Variants in GPHN observed in about 807,000 individuals in gnomAD.
The protein encoded by GPHN is gephyrin.
A neutral mutation model predicts 95.5 loss-of-function variants in GPHN; 17 were observed. The ratio of observed to expected loss-of-function variants is 0.18; its 90% confidence interval spans 0.12 to 0.27. GPHN has a LOEUF of 0.27. GPHN is among the 10% of genes least tolerant of loss of function. The pLI is 1.00. For missense variants in GPHN, 660 were observed against 978.1 expected, an observed-to-expected ratio of 0.67 and a Z score of 4.34; for synonymous variants, 320 against 322.5, an observed-to-expected ratio of 0.99 and a Z score of 0.08.
intron 1 of GPHN, among the ~76,000 whole-genome samples, chr14:66,511,862 G>A (rs2058052545): frequency 6.6e-6 from 1 of 151,912 alleles, no homozygotes; most frequent in South Asian, 2.1e-4. Context: ...TCAGGAAAAT[G>A]AGAACATATA....
chr14:67,362,540 A>G, the GPHN span, among the ~76,000 whole-genome samples: 1 of 152,188 alleles, frequency 6.6e-6, no homozygotes, highest in African/African-American at 2.4e-5. Flanking sequence ...ACTACAGTTC[A>G]AAGGATGTTA....
At chr14:67,306,661 C>T in the GPHN span, among the ~76,000 whole-genome samples, 80 of 152,300 alleles carry the variant, frequency 5.3e-4, no homozygotes, top group Admixed American at 2.0e-3. Flanking sequence ...AGCCACCATG[C>T]CCAGCCCCTT....
At chr14:66,808,653 C>T (rs1324574751) in intron 3 of GPHN, among the ~76,000 whole-genome samples, 3 of 152,052 alleles carry the variant, frequency 2.0e-5, no homozygotes, top group East Asian at 1.9e-4. Flanking sequence ...AAAAATTAGC[C>T]GTGCGTGGTG....
At chr14:67,190,440 C>T in the GPHN span, among the ~76,000 whole-genome samples, 1 of 152,022 alleles carries the variant, frequency 6.6e-6, no homozygotes, top group Admixed American at 6.6e-5. Flanking sequence ...CCAGGCTGGT[C>T]TCGAACTCCT....
chr14:66,762,417 A>C (rs1481436911), intron 2 of GPHN, among the ~76,000 whole-genome samples: 2 of 152,168 alleles, frequency 1.3e-5, no homozygotes, highest in Non-Finnish European at 2.9e-5. Flanking sequence ...AAAATGAGGA[A>C]TATATTATGG....
chr14:66,736,163 A>G (rs775170417), intron 2 of GPHN, among the ~76,000 whole-genome samples: 43 of 151,626 alleles, frequency 2.8e-4, no homozygotes, highest in Non-Finnish European at 5.6e-4. Context: ...TTTTTTTTTT[A>G]AATTCTTAGT....
At chr14:67,641,900 T>C in the GPHN span, among the ~76,000 whole-genome samples, 1 of 152,230 alleles carries the variant, frequency 6.6e-6, no homozygotes, top group Non-Finnish European at 1.5e-5. Flanking sequence ...TTTTTGATAT[T>C]TTATTTCTAC....
chr14:67,319,561 T>G, the GPHN span, among the ~76,000 whole-genome samples: 1 of 150,380 alleles, frequency 6.6e-6, no homozygotes, highest in Non-Finnish European at 1.5e-5. Context: ...AGAAGAATAG[T>G]CTGGGGCCAC....
At chr14:66,717,703 T>G (rs1246783769) in intron 2 of GPHN, among the ~76,000 whole-genome samples, 3 of 152,158 alleles carry the variant, frequency 2.0e-5, no homozygotes, top group Non-Finnish European at 4.4e-5. Context: ...GGGTTTCCCT[T>G]GATATAGTAC....
the GPHN span, among the ~76,000 whole-genome samples, chr14:67,375,232 C>CTGTGTGTGTG: frequency 1.1e-4 from 15 of 137,670 alleles, no homozygotes; most frequent in South Asian, 2.6e-4. Context: ...ATCCTCAGTT[C>CTGTGTGTGTG]TGTGTGTGTG....
At chr14:66,915,451 T>C (rs1255249717) in intron 5 of GPHN, among the ~76,000 whole-genome samples, 1 of 152,162 alleles carries the variant, frequency 6.6e-6, no homozygotes, top group South Asian at 2.1e-4. Flanking sequence ...TTGACAATTA[T>C]CTCTGAAAGA....
chr14:67,041,453 T>C (rs1229960229), intron 10 of GPHN, among the ~76,000 whole-genome samples: 1 of 150,480 alleles, frequency 6.6e-6, no homozygotes, highest in African/African-American at 2.4e-5. Context: ...CACTTAGGAG[T>C]GAGAACATGT....
chr14:66,508,945 C>G (rs1337605500), intron 1 of GPHN: 6 of 356,430 alleles, frequency 1.7e-5, no homozygotes, highest in South Asian at 4.9e-5. Flanking sequence ...TGAAGCATGC[C>G]GCTCTCGGCT....
the GPHN span, among the ~76,000 whole-genome samples, chr14:67,450,978 G>A: frequency 6.6e-6 from 1 of 152,222 alleles, no homozygotes; most frequent in African/African-American, 2.4e-5. Context: ...GGTCCCCCGT[G>A]CTGTGTGCAG....
chr14:67,147,972 G>A lies in GPHN; in HGVS notation c.1836+4523G>A, dbSNP rs1026669706. On this transcript the variant is annotated intron_variant, in intron 18 of 22. Transcript: ENST00000478722. ...TAGAGGCCCTCTAGGAAATTTTAAAGATGAGTTTTGGTAAGAAAAGCACAT... is the reference window on the plus strand; with the variant it reads ...TAGAGGCCCTCTAGGAAATTTTAAAAATGAGTTTTGGTAAGAAAAGCACAT... Among the ~76,000 whole-genome samples the A allele has an allele frequency of 3.7e-4, 56 of 152,076 alleles. 1 individual carries two copies. Among genetic ancestry groups the A allele is most frequent in the Non-Finnish European group, 6.9e-4 (47 of 68,014 alleles).
intron 3 of GPHN, among the ~76,000 whole-genome samples, chr14:66,794,853 A>AT (rs2060100362): frequency 6.6e-6 from 1 of 152,176 alleles, no homozygotes; most frequent in Non-Finnish European, 1.5e-5. Flanking sequence ...ATTTTTATTA[A>AT]TTTTATCAAT....
intron 18 of GPHN, among the ~76,000 whole-genome samples, chr14:67,146,738 AT>A (rs564494066): frequency 6.6e-6 from 1 of 152,350 alleles, no homozygotes; most frequent in South Asian, 2.1e-4. Flanking sequence ...GCCTTAGAAT[AT>A]TTAAAAGTAA....
Position 67,143,432 on chromosome 14 carries a change from G to A in GPHN, c.1819G>A (p.Val607Ile), listed in dbSNP as rs2080615843. ...RADVIITSGG[V>I]SMGEKDYLKQ... ...TGATGTCATCATCACATCAGGGGGT[G>A]TATCCATGGGGGAAAAGGTATGAAA... The change falls in exon 18 of 23, where the codon GTA becomes ATA. Residue 607 changes from valine to isoleucine, a missense_variant. Val to Ile is a conservative substitution (Grantham distance 29). Coordinates refer to ENST00000478722, the MANE Select transcript of GPHN (RefSeq NM_020806.5). The A allele has an allele frequency of 1.3e-6, 2 of 1,595,128 alleles. No individual in the cohort carries two copies. The highest frequency in any genetic ancestry group is 1.3e-5 in the African/African-American group (1 of 74,524).
At chr14:66,867,180 G>C (rs2153525278) in intron 4 of GPHN, among the ~76,000 whole-genome samples, 1 of 152,186 alleles carries the variant, frequency 6.6e-6, no homozygotes, top group East Asian at 1.9e-4. Flanking sequence ...ATGTTCATTA[G>C]CAATAAGATA....
Sources: allele counts gnomAD v4.1 joint callset (sites outside exome capture counted in the v4.1 genomes callset), GRCh38; gene constraint gnomAD v4.1.1; transcripts MANE v1.5; gene names NCBI Gene and HGNC (gene_info 2026-07-23, HGNC 2026-07-21).